The following ZNF385D variants were observed in gnomAD, a reference collection of about 807,000 sequenced individuals.
ZNF385D encodes the protein zinc finger protein 659.
Under a neutral mutation model 35.8 loss-of-function variants are expected in ZNF385D, and 15 were observed. That is an observed-to-expected ratio of 0.42 (90% confidence interval 0.28 to 0.64). The LOEUF is 0.64. ZNF385D is among the 30% of genes least tolerant of loss of function. The pLI, the probability that ZNF385D is intolerant of heterozygous loss-of-function variation, is 0.23. For missense variants in ZNF385D, 474 were observed against 494.6 expected, an observed-to-expected ratio of 0.96 and a Z score of 0.39; for synonymous variants, 212 against 186.8, an observed-to-expected ratio of 1.13 and a Z score of -1.10.
intron 3 of ZNF385D, among the ~76,000 whole-genome samples, chr3:22,079,435 TA>T (rs1160663640): frequency 6.6e-6 from 1 of 151,980 alleles, no homozygotes; most frequent in Admixed American, 6.6e-5. Flanking sequence ...ATCTTTTCTA[TA>T]ATTCTAAATG....
intron 1 of ZNF385D, among the ~76,000 whole-genome samples, chr3:21,706,985 G>A (rs2067929260): frequency 6.6e-6 from 1 of 152,084 alleles, no homozygotes; most frequent in Non-Finnish European, 1.5e-5. Flanking sequence ...TACATCTACG[G>A]GAACAATTTG....
chr3:22,252,413 T>G (rs1415470913), intron 2 of ZNF385D, among the ~76,000 whole-genome samples: 1 of 152,122 alleles, frequency 6.6e-6, no homozygotes, highest in Non-Finnish European at 1.5e-5. Flanking sequence ...AGATCTTGCC[T>G]TCTGATAAGT....
intron 3 of ZNF385D, among the ~76,000 whole-genome samples, chr3:21,562,943 A>C (rs1216363190): frequency 6.6e-6 from 1 of 152,194 alleles, no homozygotes; most frequent in Non-Finnish European, 1.5e-5. Context: ...CGCAGCATTA[A>C]AAAACAAAAA....
chr3:22,013,869 G>T (rs1696721376), intron 3 of ZNF385D, among the ~76,000 whole-genome samples: 1 of 152,022 alleles, frequency 6.6e-6, no homozygotes, highest in Non-Finnish European at 1.5e-5. Context: ...CAACTGGGCT[G>T]AAGGTTCACT....
chr3:21,819,350 T>C (rs1034039385), intron 3 of ZNF385D, among the ~76,000 whole-genome samples: 1 of 151,594 alleles, frequency 6.6e-6, no homozygotes, highest in Non-Finnish European at 1.5e-5. Context: ...AGAATAGTTA[T>C]ATGCTCTTTG....
At chr3:21,560,235 G>C (rs1251081163) in intron 3 of ZNF385D, among the ~76,000 whole-genome samples, 1 of 152,140 alleles carries the variant, frequency 6.6e-6, no homozygotes. Flanking sequence ...GAGGAGAAGA[G>C]GCGTTCTGGT....
At chr3:22,044,413 T>G (rs1333608905) in intron 3 of ZNF385D, among the ~76,000 whole-genome samples, 1 of 151,982 alleles carries the variant, frequency 6.6e-6, no homozygotes, top group Non-Finnish European at 1.5e-5. Context: ...CCCACTGTGT[T>G]TGGGGGATAG....
At chr3:21,615,949 CT>C (rs2064835418) in intron 2 of ZNF385D, among the ~76,000 whole-genome samples, 1 of 151,938 alleles carries the variant, frequency 6.6e-6, no homozygotes, top group South Asian at 2.1e-4. Context: ...GAACAGACAA[CT>C]TTCTGAAAGG....
At chr3:21,735,104 T>A (rs771592691) in intron 1 of ZNF385D, among the ~76,000 whole-genome samples, 2 of 152,196 alleles carry the variant, frequency 1.3e-5, no homozygotes, top group Non-Finnish European at 2.9e-5. Flanking sequence ...TCTACCCACA[T>A]TCAATCCTAA....
At chr3:22,174,172 T>C (rs944399357) in intron 2 of ZNF385D, among the ~76,000 whole-genome samples, 1 of 152,154 alleles carries the variant, frequency 6.6e-6, no homozygotes, top group African/African-American at 2.4e-5. Context: ...TGTAAAATAG[T>C]GTATTTTAGT....
chr3:22,076,402 T>C (rs896038113), intron 3 of ZNF385D, among the ~76,000 whole-genome samples: 1 of 151,936 alleles, frequency 6.6e-6, no homozygotes, highest in Non-Finnish European at 1.5e-5. Flanking sequence ...AGCTGGCTTA[T>C]TTTTTAATGA....
At position 21,567,068 on chromosome 3, in the gene ZNF385D, A is replaced by G. The variant is rs138145644; in HGVS notation, c.166-2384T>C. Among the ~76,000 whole-genome samples the G allele has an allele frequency of 1.9e-3, 291 of 152,252 alleles. 3 individuals carry two copies. Among genetic ancestry groups the G allele is most frequent in the African/African-American group, 6.8e-3 (283 of 41,554 alleles). On this transcript the variant is annotated intron_variant, in intron 2 of 7. Coordinates refer to ENST00000281523, the MANE Select transcript of ZNF385D (RefSeq NM_024697.3). Reference sequence around the variant, plus strand: ...TGCTCAGTAGTATTCCTTTGTAAGGATGCACTACATGTATTTATCCATTTG... The same window carrying G: ...TGCTCAGTAGTATTCCTTTGTAAGGGTGCACTACATGTATTTATCCATTTG...
At chr3:21,949,892 T>A (rs1030200086) in intron 3 of ZNF385D, among the ~76,000 whole-genome samples, 12 of 152,198 alleles carry the variant, frequency 7.9e-5, no homozygotes, top group Admixed American at 2.0e-4. Context: ...GAACTCATCC[T>A]TTTTTATGGC....
intron 1 of ZNF385D, among the ~76,000 whole-genome samples, chr3:21,706,839 GATAGATAGATAGATAA>G (rs67528015): frequency 0.012 from 1,470 of 127,738 alleles, 11 homozygotes; most frequent in Non-Finnish European, 0.019. Context: ...TAGATAGATA[GATAGATAGATAGATAA>G]ATAGATTAGA....
intron 2 of ZNF385D, among the ~76,000 whole-genome samples, chr3:21,650,510 G>T (rs1318323138): frequency 6.6e-6 from 1 of 151,834 alleles, no homozygotes; most frequent in African/African-American, 2.4e-5. Context: ...TATTAGCCAA[G>T]AATTTCTTTA....
Position 22,172,131 on chromosome 3 carries a change from CCCT to C in ZNF385D, c.107-3099_107-3097del, listed in dbSNP as rs1338502699. 8.5e-5 allele frequency among the ~76,000 whole-genome samples: 13 copies of C among 152,186 alleles called. No individual in the cohort carries two copies. In the East Asian group the frequency reaches 1.9e-3, roughly 23 times the overall value. On this transcript the variant is annotated intron_variant, in intron 2 of 5. Coordinates refer to the ZNF385D transcript ENST00000494108. Reference sequence around the variant, plus strand: ...AATTTATCAATTTGTCCACTTTTTTCCCTCCTAACCTTCACCCCTCAGAACCAT... The same window carrying C: ...AATTTATCAATTTGTCCACTTTTTTCCCTAACCTTCACCCCTCAGAACCAT...
At chr3:21,872,766 GC>G (rs1299236357) in intron 3 of ZNF385D, among the ~76,000 whole-genome samples, 37 of 152,048 alleles carry the variant, frequency 2.4e-4, no homozygotes, top group African/African-American at 8.7e-4. Context: ...TCTGTCTTCA[GC>G]AAATTTCCCA....
chr3:21,856,400 C>A (rs887466926), intron 3 of ZNF385D, among the ~76,000 whole-genome samples: 4 of 151,934 alleles, frequency 2.6e-5, no homozygotes, highest in Non-Finnish European at 5.9e-5. Context: ...CTTTCTGAAC[C>A]CCTTCTCTCA....
chr3:21,825,995 T>C (rs1439595796), intron 3 of ZNF385D, among the ~76,000 whole-genome samples: 1 of 152,178 alleles, frequency 6.6e-6, no homozygotes, highest in Non-Finnish European at 1.5e-5. Context: ...ATCTAATGCC[T>C]GATGATTTGA....
Sources: allele counts gnomAD v4.1 joint callset (sites outside exome capture counted in the v4.1 genomes callset), GRCh38; gene constraint gnomAD v4.1.1; transcripts MANE v1.5; gene names NCBI Gene and HGNC (gene_info 2026-07-23, HGNC 2026-07-21).